Variants in COMMD7 observed in about 807,000 individuals in gnomAD.
The protein encoded by COMMD7 is COMM domain containing 7, also known as COMM domain-containing protein 7.
COMMD7 carries 28 observed loss-of-function variants against 34.8 expected under a neutral mutation model. The ratio of observed to expected loss-of-function variants is 0.80; its 90% CI spans 0.60 to 1.10. The LOEUF (loss-of-function observed/expected upper bound fraction) is 1.10, where lower values mean the gene tolerates loss of function less well. Among genes scored for constraint, COMMD7 ranks in the 50% least tolerant of loss-of-function variants. The pLI is 0.00. For missense variants in COMMD7, 211 were observed against 241.6 expected, an observed-to-expected ratio of 0.87 and a Z score of 0.84; for synonymous variants, 80 against 86.4, an observed-to-expected ratio of 0.93 and a Z score of 0.41.
chr20:32,735,597 G>A (rs966100586), intron 1 of COMMD7, among the ~76,000 whole-genome samples: 2 of 152,258 alleles, frequency 1.3e-5, no homozygotes, highest in Admixed American at 6.5e-5. Flanking sequence ...GATTACAGGC[G>A]TGAGCCACTG....
chr20:32,733,634 T>C (rs1039100974), intron 1 of COMMD7, among the ~76,000 whole-genome samples: 4 of 151,104 alleles, frequency 2.6e-5, no homozygotes, highest in African/African-American at 9.7e-5. Context: ...GCAGAATTGC[T>C]TGAACCTGGG....
rs1985615915 is a variant in COMMD7, at chr20:32,728,005, G to A, written c.139-10C>T. ...CCAGAAATCTTTCCACCTGCAGAGAGAGAACAGTGAAAACCCGGGCCTTCA... is the reference window on the plus strand; with the variant it reads ...CCAGAAATCTTTCCACCTGCAGAGAAAGAACAGTGAAAACCCGGGCCTTCA... On this transcript the variant is annotated splice_polypyrimidine_tract_variant and intron_variant, in intron 2 of 8. Coordinates refer to ENST00000278980, the MANE Select transcript of COMMD7 (RefSeq NM_053041.3). 1 of 1,613,472 alleles carries A rather than the reference G, an allele frequency of 6.2e-7. No homozygotes were observed. The highest frequency in any genetic ancestry group is 2.2e-5 in the East Asian group (1 of 44,848).
chr20:32,725,522 G>A (rs1009422939), intron 3 of COMMD7, among the ~76,000 whole-genome samples: 1 of 144,894 alleles, frequency 6.9e-6, no homozygotes, highest in Non-Finnish European at 1.5e-5. Context: ...TCCGCCTCCC[G>A]GGATCACGCC....
Position 32,704,802 on chromosome 20 carries a change from G to A in COMMD7, c.427+12C>T. ...CCACCCAAATAACCCAGGACTGGTT[G>A]TAACTAGTTACCTCCAAATTTCCAC... On this transcript the variant is annotated intron_variant, in intron 6 of 8. Transcript: ENST00000278980. 4 of 1,600,050 alleles carry A rather than the reference G, an allele frequency of 2.5e-6. No homozygotes were observed. Among genetic ancestry groups the A allele is most frequent in the Non-Finnish European group, 3.4e-6 (4 of 1,167,308 alleles).
chr20:32,728,548 T>TA (rs1485361479), intron 1 of COMMD7, among the ~76,000 whole-genome samples: 1 of 152,120 alleles, frequency 6.6e-6, no homozygotes, highest in East Asian at 1.9e-4. Context: ...CTGTTTTACC[T>TA]ATCCATATTT....
intron 1 of COMMD7, among the ~76,000 whole-genome samples, chr20:32,729,167 A>ATTT (rs777073115): frequency 1.6e-5 from 2 of 122,986 alleles, no homozygotes. Flanking sequence ...GCTTATTTTG[A>ATTT]TTTTTTTTTT....
At chr20:32,722,312 C>G (rs1985221954) in intron 3 of COMMD7, among the ~76,000 whole-genome samples, 2 of 144,848 alleles carry the variant, frequency 1.4e-5, no homozygotes, top group Admixed American at 7.1e-5. Context: ...AGACTGGGGA[C>G]AGGGACACTA....
intron 3 of COMMD7, 144 bp downstream of exon 3, chr20:32,727,749 C>G (rs527338004): frequency 4.9e-5 from 33 of 670,296 alleles, no homozygotes; most frequent in Non-Finnish European, 8.8e-5. Context: ...ACGTGGGCTC[C>G]CTCCAGAGAC....
chr20:32,704,517 A>C, intron 6 of COMMD7, 28 bp from the exon 7 acceptor site: 1 of 1,580,810 alleles, frequency 6.3e-7, no homozygotes, highest in Non-Finnish European at 8.6e-7. Context: ...AAAAAGAGAG[A>C]GAGAGAGAGA....
intron 3 of COMMD7, among the ~76,000 whole-genome samples, chr20:32,710,741 A>C (rs934362546): frequency 7.9e-5 from 12 of 151,878 alleles, no homozygotes; most frequent in Admixed American, 3.3e-4. Context: ...AAAAAAAAAA[A>C]AAAAAAATAG....
In COMMD7 at chr20:32,723,115, TCTCCCTCTCC is replaced by T. The variant is rs1400116308; in HGVS notation, c.241+4768_241+4777del. ...CTCTCCCTCTCCGTCTCCCTCTCCC[TCTCCCTCTCC>T]CTCCCTCTCCGTCTCCGTCTCCGTC... is the stretch of plus-strand genomic sequence containing the variant. On this transcript the variant is annotated intron_variant, in intron 3 of 8. Transcript: ENST00000278980. Among the ~76,000 whole-genome samples the T allele has an allele frequency of 6.4e-5, 2 of 31,324 alleles. 1 individual carries two copies. Among genetic ancestry groups the T allele is most frequent in the Non-Finnish European group, 1.7e-4 (2 of 11,524 alleles). 20.5% of individuals were successfully genotyped at this position (31,324 alleles called of 152,430 possible).
At chr20:32,710,493 A>G (rs1984367847) in intron 3 of COMMD7, among the ~76,000 whole-genome samples, 1 of 152,118 alleles carries the variant, frequency 6.6e-6, no homozygotes, top group South Asian at 2.1e-4. Flanking sequence ...GCACTTTGGG[A>G]GGCTGAGGTG....
At chr20:32,740,689 T>C (rs1986392490) in intron 1 of COMMD7, among the ~76,000 whole-genome samples, 1 of 151,810 alleles carries the variant, frequency 6.6e-6, no homozygotes. Flanking sequence ...AATACAAAAA[T>C]TAGCCAGGTA....
chr20:32,728,679 ACCTCAGC>A (rs138060555), intron 1 of COMMD7, among the ~76,000 whole-genome samples: 27,083 of 150,328 alleles, frequency 0.18, 2,656 homozygotes, highest in East Asian at 0.4. Flanking sequence ...CAATCCTCCC[ACCTCAGC>A]CTCCAGAGTA....
chr20:32,729,330 G>A (rs1415253947), intron 1 of COMMD7, among the ~76,000 whole-genome samples: 2 of 151,556 alleles, frequency 1.3e-5, no homozygotes, highest in African/African-American at 4.8e-5. Flanking sequence ...CACCACACCT[G>A]GATAATTTTT....
chr20:32,729,122 T>C (rs1354723217), intron 1 of COMMD7, among the ~76,000 whole-genome samples: 1 of 151,726 alleles, frequency 6.6e-6, no homozygotes. Flanking sequence ...AATGAGGTCA[T>C]AAGAGTGAGA....
At chr20:32,711,022 C>T (rs781619036) in intron 3 of COMMD7, among the ~76,000 whole-genome samples, 6 of 152,158 alleles carry the variant, frequency 3.9e-5, no homozygotes, top group Admixed American at 6.6e-5. Flanking sequence ...TTTGAGGCTG[C>T]AGTGAGCCAT....
At chr20:32,730,550 G>A (rs1392681005) in intron 1 of COMMD7, among the ~76,000 whole-genome samples, 3 of 125,290 alleles carry the variant, frequency 2.4e-5, no homozygotes, top group East Asian at 2.1e-4. Context: ...GCGAGACTCC[G>A]TTTCAAAAAA....
At chr20:32,713,134 C>T (rs1295774149) in intron 3 of COMMD7, among the ~76,000 whole-genome samples, 3 of 150,958 alleles carry the variant, frequency 2.0e-5, no homozygotes, top group Non-Finnish European at 3.0e-5. Context: ...CTGCAACCTC[C>T]GCCTCCCAGG....
Sources: gnomAD v4.1 joint callset for allele counts (sites outside exome capture counted in the v4.1 genomes callset) on GRCh38, gnomAD v4.1.1 for gene constraint, MANE v1.5 for transcripts, NCBI Gene and HGNC (gene_info 2026-07-23, HGNC 2026-07-21) for gene names.